Variants in WWP2 observed in about 807,000 individuals in gnomAD.
The protein encoded by WWP2 is WW domain containing E3 ubiquitin protein ligase 2, also known as NEDD4-like E3 ubiquitin-protein ligase WWP2.
Under a neutral mutation model 121.0 loss-of-function variants are expected in WWP2, and 57 were observed. That is an observed-to-expected ratio of 0.47 (90% CI 0.38 to 0.59). WWP2 has a LOEUF of 0.59. WWP2 is among the 20% of genes least tolerant of loss of function. The probability of loss-of-function intolerance (pLI) is 0.00; values close to 1 mark genes in which losing one functional copy is unlikely to be tolerated. For synonymous variants in WWP2, 449 were observed against 441.3 expected (o/e 1.02, Z -0.22); for missense variants, 962 against 1,158.9 (o/e 0.83, Z 2.47).
At chr16:69,819,075 C>T (rs964666192) in intron 4 of WWP2, among the ~76,000 whole-genome samples, 12 of 152,196 alleles carry the variant, frequency 7.9e-5, no homozygotes, top group African/African-American at 2.9e-4. Flanking sequence ...ACTTCATTTT[C>T]TGTCCCATCA....
rs138585070 is a variant in WWP2 at position 69,868,957 on chromosome 16, G to A, written c.576-2847G>A. 1.9e-3 allele frequency among the ~76,000 whole-genome samples: 283 copies of A among 152,166 alleles called. 1 individual carries two copies. Among genetic ancestry groups the A allele is most frequent in the African/African-American group, 6.0e-3 (249 of 41,506 alleles). ...GGCTGGAGTGCAGTGGTACAATCTC[G>A]GCTCACTGCGACCTCCACCTCCCGG... On this transcript the variant is annotated intron_variant, in intron 6 of 23. Coordinates refer to ENST00000359154, the MANE Select transcript of WWP2 (RefSeq NM_001270454.2).
At chr16:69,822,840 A>T (rs2056618327) in intron 4 of WWP2, among the ~76,000 whole-genome samples, 1 of 152,200 alleles carries the variant, frequency 6.6e-6, no homozygotes, top group South Asian at 2.1e-4. Context: ...CATATTAAAA[A>T]TAAGTCAAAA....
intron 7 of WWP2, among the ~76,000 whole-genome samples, 163 bp from the exon 8 acceptor site, chr16:69,887,876 T>C (rs548639555): frequency 3.2e-4 from 49 of 152,374 alleles, no homozygotes; most frequent in Non-Finnish European, 6.0e-4. Flanking sequence ...AATGACTTGC[T>C]GTACTTTTCA....
chr16:69,827,246 T>C (rs1189231697), intron 4 of WWP2, among the ~76,000 whole-genome samples: 1 of 152,196 alleles, frequency 6.6e-6, no homozygotes, highest in Non-Finnish European at 1.5e-5. Flanking sequence ...TTATCATTTT[T>C]CCCTGGTTCA....
intron 7 of WWP2, among the ~76,000 whole-genome samples, chr16:69,872,172 A>C (rs1019666711): frequency 6.6e-6 from 1 of 152,202 alleles, no homozygotes; most frequent in Non-Finnish European, 1.5e-5. Flanking sequence ...ACTCATTTGC[A>C]CAGAAATAAA....
At chr16:69,835,461 C>G (rs1226649560) in intron 4 of WWP2, among the ~76,000 whole-genome samples, 1 of 151,990 alleles carries the variant, frequency 6.6e-6, no homozygotes, top group South Asian at 2.1e-4. Context: ...ATAACCTTGC[C>G]AATTTAAAAA....
chr16:69,935,791 G>T lies in WWP2; in HGVS notation c.1843-62G>T. 1 of 1,552,806 alleles carries T rather than the reference G, an allele frequency of 6.4e-7. No individual in the cohort carries two copies. The highest frequency in any genetic ancestry group is 1.3e-5 in the South Asian group (1 of 80,000). ...GCAGAGTTTGATACCGAGCATCTGA[G>T]AGCTGGTCTTGGCAGTGCCCAGGGA... On this transcript the variant is annotated intron_variant, in intron 17 of 23. Coordinates refer to ENST00000359154, the MANE Select transcript of WWP2 (RefSeq NM_001270454.2). This position sits in a 1 kb window ranked among gnomAD's most constrained non-coding sequence, Gnocchi z 5.2.
At chr16:69,808,129 A>T (rs2056318436) in intron 4 of WWP2, among the ~76,000 whole-genome samples, 1 of 152,242 alleles carries the variant, frequency 6.6e-6, no homozygotes, top group African/African-American at 2.4e-5. Context: ...CACTATTCTG[A>T]CTTCTATCAC....
intron 1 of WWP2, among the ~76,000 whole-genome samples, chr16:69,763,766 G>A (rs1334884634): frequency 6.6e-6 from 1 of 152,188 alleles, no homozygotes; most frequent in Non-Finnish European, 1.5e-5. Flanking sequence ...TTGGCTGCTA[G>A]CCTAGTGCCT....
intron 1 of WWP2, among the ~76,000 whole-genome samples, chr16:69,766,195 C>A (rs1198788786): frequency 6.6e-6 from 1 of 152,260 alleles, no homozygotes; most frequent in East Asian, 1.9e-4. Flanking sequence ...AGCCAAAGAC[C>A]TTGGAGTCAC....
intron 1 of WWP2, among the ~76,000 whole-genome samples, chr16:69,763,881 T>A (rs1000274853): frequency 2.6e-4 from 40 of 152,236 alleles, no homozygotes; most frequent in African/African-American, 9.6e-4. Context: ...CTTCTACTCT[T>A]TTTCTTGTCA....
chr16:69,863,341 T>A (rs796931977), intron 6 of WWP2, among the ~76,000 whole-genome samples: 94 of 152,250 alleles, frequency 6.2e-4, no homozygotes, highest in African/African-American at 2.2e-3. Flanking sequence ...GTCACTATCA[T>A]AATCAAGATA....
chr16:69,938,820 T>C (rs763631312), intron 21 of WWP2, among the ~76,000 whole-genome samples: 1 of 152,232 alleles, frequency 6.6e-6, no homozygotes, highest in Non-Finnish European at 1.5e-5. Flanking sequence ...AGATGTCCCA[T>C]GGACTGGTGG....
Position 69,930,219 on chromosome 16 carries a change from C to T in WWP2, c.1406C>T (p.Thr469Ile). 6.2e-7 allele frequency: 1 copy of T among 1,614,060 alleles called. No individual in the cohort carries two copies. Among genetic ancestry groups the T allele is most frequent in the South Asian group, 1.1e-5 (1 of 91,042 alleles). ...VRYFVDHNTR[T>I]TTFKDPRPGF... ...TACTTTGTGGACCACAATACCCGCA[C>T]CACCACCTTTAAGGATCCTCGCCCG... The change falls in exon 13 of 24, where the codon ACC (threonine) becomes ATC (isoleucine). Residue 469 changes from threonine to isoleucine, a missense_variant. Thr to Ile is a moderately conservative substitution (Grantham distance 89, BLOSUM62 -1). Around this residue, in one of 3 missense-constraint regions of WWP2, gnomAD observed 606 missense variants for 772.6 expected, o/e 0.78. Transcript: ENST00000359154.
intron 8 of WWP2, among the ~76,000 whole-genome samples, chr16:69,898,604 C>T (rs963560337): frequency 1.3e-5 from 2 of 152,078 alleles, no homozygotes; most frequent in Non-Finnish European, 2.9e-5. Flanking sequence ...TTATTAGGTT[C>T]TTTGGTTTCT....
intron 6 of WWP2, among the ~76,000 whole-genome samples, chr16:69,860,052 TG>T (rs1388971064): frequency 1.4e-4 from 21 of 151,950 alleles, no homozygotes; most frequent in Non-Finnish European, 1.8e-4. Flanking sequence ...CTCTCTCTAA[TG>T]GGCCAGCCAT....
chr16:69,914,160 G>A (rs1476136023), intron 9 of WWP2, among the ~76,000 whole-genome samples: 1 of 148,732 alleles, frequency 6.7e-6, no homozygotes, highest in Non-Finnish European at 1.5e-5. Context: ...TTCAATATCT[G>A]AAGAATAGTT....
chr16:69,898,229 T>C (rs1233082388), intron 8 of WWP2, among the ~76,000 whole-genome samples: 1 of 152,022 alleles, frequency 6.6e-6, no homozygotes, highest in Non-Finnish European at 1.5e-5. Context: ...GGTTTCGCCA[T>C]GTTAGCCAGG....
intron 6 of WWP2, among the ~76,000 whole-genome samples, chr16:69,851,630 A>G (rs1425342376): frequency 6.6e-6 from 1 of 152,152 alleles, no homozygotes; most frequent in Non-Finnish European, 1.5e-5. Context: ...AAGTTTTGGC[A>G]ATGATGAATA....
Sources: gnomAD v4.1 joint callset for allele counts (sites outside exome capture counted in the v4.1 genomes callset) on GRCh38, gnomAD v4.1.1 for gene constraint, gnomAD v4.1.1 regional missense constraint, Gnocchi (gnomAD v3.1) non-coding constraint, MANE v1.5 for transcripts, NCBI Gene and HGNC (gene_info 2026-07-23, HGNC 2026-07-21) for gene names.